The following MGMT variants were observed in gnomAD, a reference collection of about 807,000 sequenced individuals.
MGMT encodes the protein methylated-DNA--protein-cysteine methyltransferase.
MGMT carries 14 observed loss-of-function variants against 15.9 expected under a neutral mutation model. The ratio of observed to expected loss-of-function variants is 0.88; its 90% CI spans 0.58 to 1.37. The LOEUF is 1.37. Among genes scored for constraint, MGMT ranks in the 40% most tolerant of loss-of-function variants. The probability of loss-of-function intolerance (pLI) is 0.00; values close to 1 mark genes in which losing one functional copy is unlikely to be tolerated. For synonymous variants in MGMT, 130 were observed against 118.2 expected (o/e 1.10, Z -0.65); for missense variants, 282 against 268.1 (o/e 1.05, Z -0.36).
intron 1 of MGMT, among the ~76,000 whole-genome samples, chr10:129,528,509 G>T (rs1181986342): frequency 6.6e-6 from 1 of 151,976 alleles, no homozygotes; most frequent in Non-Finnish European, 1.5e-5. Context: ...AGTGTGAGGG[G>T]CAGTGGCGGG....
intron 2 of MGMT, among the ~76,000 whole-genome samples, chr10:129,703,153 A>G (rs1429470636): frequency 2.0e-5 from 3 of 152,208 alleles, no homozygotes; most frequent in African/African-American, 7.2e-5. Context: ...ATAGTTATCT[A>G]ATGCCAATAG....
At chr10:129,495,563 T>A (rs1030483578) in intron 1 of MGMT, among the ~76,000 whole-genome samples, 10 of 152,332 alleles carry the variant, frequency 6.6e-5, no homozygotes, top group Admixed American at 5.2e-4. Context: ...AATTCCTGTT[T>A]GCTTGTAGAG....
At chr10:129,563,365 C>T (rs959753817) in intron 2 of MGMT, among the ~76,000 whole-genome samples, 13 of 152,050 alleles carry the variant, frequency 8.5e-5, no homozygotes, top group African/African-American at 2.4e-4. Flanking sequence ...AACTAGATCT[C>T]GTTGGTGTCC....
rs56257901 is a variant in MGMT, at chr10:129,767,050, G to A, written c.*53G>A. The A allele has an allele frequency of 8.9e-6, 13 of 1,452,604 alleles. No individual in the cohort carries two copies. The highest frequency in any genetic ancestry group is 5.4e-5 in the South Asian group (4 of 73,562). 90.0% of individuals were successfully genotyped at this position (1,452,604 alleles called of 1,614,324 possible). ...CGACACACACGTGTAACACTGCATC[G>A]GATGCGGGGCGTGGAGGCACCGCTG... On this transcript the variant is annotated 3_prime_UTR_variant, in exon 5 of 5. Transcript: ENST00000651593.
intron 2 of MGMT, among the ~76,000 whole-genome samples, chr10:129,695,355 C>A (rs1160116043): frequency 1.3e-5 from 2 of 152,124 alleles, no homozygotes; most frequent in Admixed American, 6.5e-5. Context: ...AGGGAACTAT[C>A]TATTATTTAT....
At chr10:129,706,933 C>G (rs896608119) in intron 2 of MGMT, among the ~76,000 whole-genome samples, 1 of 152,258 alleles carries the variant, frequency 6.6e-6, no homozygotes, top group African/African-American at 2.4e-5. Flanking sequence ...GGTACAGGTT[C>G]AAACTGCAGG....
At chr10:129,497,313 G>T (rs143985795) in intron 1 of MGMT, among the ~76,000 whole-genome samples, 5 of 152,306 alleles carry the variant, frequency 3.3e-5, no homozygotes, top group African/African-American at 1.2e-4. Context: ...TGCCTCCCCG[G>T]TCAGCTGGTC....
chr10:129,694,059 T>A (rs2133130154), intron 2 of MGMT: 1 of 152,392 alleles, frequency 6.6e-6, no homozygotes, highest in Admixed American at 6.5e-5. Context: ...ACGTGCTGGC[T>A]GCCAAGATGG....
chr10:129,537,097 C>T (rs559267229), intron 2 of MGMT: 2 of 151,990 alleles, frequency 1.3e-5, no homozygotes, highest in South Asian at 2.1e-4. Context: ...CATTTAATTT[C>T]CTCCGTTCAT....
intron 4 of MGMT, 54 bp from the exon 5 acceptor site, chr10:129,766,734 A>G (rs2296675): frequency 0.14 from 208,069 of 1,523,598 alleles, 14,842 homozygotes; most frequent in Middle Eastern, 0.22. Flanking sequence ...CTTGACCCCA[A>G]AGACCTCGTT....
intron 2 of MGMT, among the ~76,000 whole-genome samples, chr10:129,551,771 T>A (rs2119790035): frequency 6.6e-6 from 1 of 152,274 alleles, no homozygotes; most frequent in South Asian, 2.1e-4. Flanking sequence ...CAGAAACTCT[T>A]CAGCAGACCG....
intron 2 of MGMT, among the ~76,000 whole-genome samples, chr10:129,589,429 G>C (rs1846656052): frequency 6.6e-6 from 1 of 152,216 alleles, no homozygotes; most frequent in Non-Finnish European, 1.5e-5. Context: ...GAGTTTTGCA[G>C]GCAAACTCAG....
chr10:129,503,835 C>T (rs1472854453), intron 1 of MGMT, among the ~76,000 whole-genome samples: 1 of 152,200 alleles, frequency 6.6e-6, no homozygotes, highest in Non-Finnish European at 1.5e-5. Flanking sequence ...ATGTTACAGA[C>T]TTTTTCCTCC....
intron 2 of MGMT, among the ~76,000 whole-genome samples, chr10:129,581,014 A>C (rs535507347): frequency 3.2e-4 from 49 of 152,152 alleles, no homozygotes; most frequent in Non-Finnish European, 2.9e-4. Context: ...TCAACAGTTG[A>C]ATTTGGATTC....
chr10:129,646,719 A>AATATATACATATATATAC (rs1847393057), intron 2 of MGMT, among the ~76,000 whole-genome samples: 1 of 81,718 alleles, frequency 1.2e-5, no homozygotes, highest in African/African-American at 4.7e-5. Context: ...GCCCATCAGA[A>AATATATACATATATATAC]ATATATATAT....
In MGMT at chr10:129,535,051, G is replaced by T. The variant is rs1028522099; in HGVS notation, c.-12-1190G>T. 1.1e-4 allele frequency among the ~76,000 whole-genome samples: 16 copies of T among 152,212 alleles called. 1 individual carries two copies. The highest frequency in any genetic ancestry group is 1.9e-4 in the African/African-American group (8 of 41,450). On this transcript the variant is annotated intron_variant, in intron 1 of 4. Transcript: ENST00000651593. ...TTACAAAGACAGGTGCAGTGAGTGA[G>T]CTTTGCCCCACAGGCTCTAATTTGT...
intron 3 of MGMT, chr10:129,715,633 A>G (rs1848285462): frequency 6.6e-6 from 1 of 152,244 alleles, no homozygotes. Flanking sequence ...AAATAATTCC[A>G]GCAATAATAA....
chr10:129,508,538 TTTTG>T (rs1259056740), intron 1 of MGMT, among the ~76,000 whole-genome samples: 1 of 148,722 alleles, frequency 6.7e-6, no homozygotes, highest in Non-Finnish European at 1.5e-5. Flanking sequence ...TTTTTTTGTT[TTTTG>T]TTTGTTTTTT....
rs958714171 is a variant in MGMT, at chr10:129,556,252, C to T, written c.125+19875C>T. ...ATTTAGGTGTTGAAGTCCTCATCCT[C>T]AGAACCTCTGGATGTGACAGTATTT... On this transcript the variant is annotated intron_variant, in intron 2 of 4. Coordinates refer to ENST00000651593, the MANE Select transcript of MGMT (RefSeq NM_002412.5). The surrounding 1 kb of genome is among the most constrained non-coding windows in gnomAD (Gnocchi z 4.3). Among the ~76,000 whole-genome samples, 2 of 152,184 alleles carry T rather than the reference C, an allele frequency of 1.3e-5. No homozygotes were observed. Among genetic ancestry groups the T allele is most frequent in the African/African-American group, 4.8e-5 (2 of 41,434 alleles).
Sources: allele counts gnomAD v4.1 joint callset (sites outside exome capture counted in the v4.1 genomes callset), GRCh38; gene constraint gnomAD v4.1.1; non-coding constraint Gnocchi (gnomAD v3.1); transcripts MANE v1.5; gene names NCBI Gene and HGNC (gene_info 2026-07-23, HGNC 2026-07-21).